XRCC5: variants seen among roughly 807,000 people sequenced by gnomAD.
XRCC5 encodes the protein DNA repair protein Ku80.
A neutral mutation model predicts 95.7 loss-of-function variants in XRCC5; 12 were observed. That is an observed-to-expected ratio of 0.13 (90% CI 0.08 to 0.20). The LOEUF (loss-of-function observed/expected upper bound fraction) is 0.20. Among genes scored for constraint, XRCC5 ranks in the 10% least tolerant of loss-of-function variants. XRCC5 has a pLI of 1.00. For synonymous variants in XRCC5, 281 were observed against 290.3 expected (o/e 0.97, Z 0.33); for missense variants, 595 against 873.9 (o/e 0.68, Z 4.02).
chr2:216,147,148 A>G (rs116325904), intron 13 of XRCC5, among the ~76,000 whole-genome samples: 4,904 of 152,192 alleles, frequency 0.032, 103 homozygotes, highest in Non-Finnish European at 0.047. Context: ...CGGAGATAGT[A>G]TTTCAGCAAA....
At chr2:216,137,516 C>T (rs561689090) in intron 11 of XRCC5, among the ~76,000 whole-genome samples, 2 of 152,180 alleles carry the variant, frequency 1.3e-5, no homozygotes, top group East Asian at 3.9e-4. Flanking sequence ...TTATGAAAAT[C>T]GTTTTAGATT....
At chr2:216,116,574 G>C (rs758220737) in intron 2 of XRCC5, 85 bp from the exon 3 acceptor site, 9 of 1,526,410 alleles carry the variant, frequency 5.9e-6, no homozygotes, top group Non-Finnish European at 2.7e-6. Context: ...GGGAGGTCTG[G>C]TTGTCCTGCT....
rs941466574 is a variant in XRCC5, at chr2:216,127,392, A to G, written c.799-144A>G. The G allele has an allele frequency of 5.9e-6, 5 of 851,174 alleles. No homozygotes were observed. The Admixed American group carries it at 1.0e-4, about 17-fold the overall frequency. The allele number at this position is 851,174 out of a possible 1,614,324, so 52.7% of individuals were successfully genotyped here. Reference sequence around the variant, plus strand: ...TGTTATGAAATAAACTAAAATTTTCATAATAGGCATGAGCAAACAAAATAA... The same window carrying G: ...TGTTATGAAATAAACTAAAATTTTCGTAATAGGCATGAGCAAACAAAATAA... On this transcript the variant is annotated intron_variant, in intron 7 of 20. Coordinates refer to ENST00000392132, the MANE Select transcript of XRCC5 (RefSeq NM_021141.4).
intron 2 of XRCC5, 98 bp downstream of exon 2, chr2:216,113,227 C>G: frequency 7.9e-6 from 8 of 1,006,660 alleles, no homozygotes; most frequent in Non-Finnish European, 1.2e-5. Flanking sequence ...TAGTGTCCAG[C>G]CCCTCTGTTT....
rs1251847687 is a variant in XRCC5, at chr2:216,199,926, G to T, written c.2110-4396G>T. Among the ~76,000 whole-genome samples the T allele has an allele frequency of 2.3e-5, 3 of 133,144 alleles. No homozygotes were observed. The Admixed American group carries it at 2.6e-4, about 11-fold the overall frequency. 87.3% of individuals were successfully genotyped at this position (133,144 alleles called of 152,430 possible). A position where few individuals can be genotyped will look rare whatever the true frequency, so the allele number is the denominator to read the frequency against. ...CATTATTTTAGCACTTATTTTTCTT[G>T]TAACTGCCTAATTTATCCTTCTTTA... On this transcript the variant is annotated intron_variant, in intron 19 of 20. Coordinates refer to ENST00000392132, the MANE Select transcript of XRCC5 (RefSeq NM_021141.4).
chr2:216,190,919 TAGAA>T (rs1352085452), intron 17 of XRCC5, among the ~76,000 whole-genome samples: 2 of 152,348 alleles, frequency 1.3e-5, no homozygotes, highest in East Asian at 1.9e-4. Context: ...AAGTTTAAAT[TAGAA>T]AGCATATTTT....
chr2:216,125,879 A>G (rs142969397), intron 6 of XRCC5, 38 bp from the exon 7 acceptor site: 1 of 1,527,306 alleles, frequency 6.5e-7, no homozygotes, highest in African/African-American at 1.4e-5. Context: ...TTAACATTTA[A>G]AAATTGTTGC....
intron 16 of XRCC5, among the ~76,000 whole-genome samples, chr2:216,187,833 T>A (rs867531797): frequency 0.041 from 4,665 of 113,984 alleles, 73 homozygotes; most frequent in South Asian, 0.096. Context: ...TCTCTCTCTC[T>A]CTCTCTCTCT....
intron 1 of XRCC5, among the ~76,000 whole-genome samples, chr2:216,110,814 G>C (rs1035593136): frequency 6.6e-6 from 1 of 151,992 alleles, no homozygotes; most frequent in Non-Finnish European, 1.5e-5. Context: ...AGTTTTTTTA[G>C]GTTATCATGC....
Position 216,180,136 on chromosome 2 carries a change from A to G in XRCC5, c.1835-10089A>G, listed in dbSNP as rs77857184. Reference sequence around the variant, plus strand: ...CAGGAAAAAGGTCTGAGTTGTATGTATAAATCGTGGAGAAGGAGCCATAGA... The same window carrying G: ...CAGGAAAAAGGTCTGAGTTGTATGTGTAAATCGTGGAGAAGGAGCCATAGA... On this transcript the variant is annotated intron_variant, in intron 16 of 20. Transcript: ENST00000392132. 9.2e-3 allele frequency among the ~76,000 whole-genome samples: 1,405 copies of G among 152,364 alleles called. 11 individuals carry two copies. The highest frequency in any genetic ancestry group is 0.016 in the Non-Finnish European group (1,066 of 68,032).
At chr2:216,124,229 C>G (rs1341497341) in intron 6 of XRCC5, among the ~76,000 whole-genome samples, 1 of 152,140 alleles carries the variant, frequency 6.6e-6, no homozygotes, top group East Asian at 1.9e-4. Context: ...TTGAGCTCTA[C>G]TGCAGAACTG....
chr2:216,167,570 TTGTGTGTGTGTGTGTGTG>T (rs58499938), intron 16 of XRCC5, among the ~76,000 whole-genome samples: 178 of 138,468 alleles, frequency 1.3e-3, no homozygotes, highest in South Asian at 4.6e-3. Flanking sequence ...GTGTGTGGGT[TTGTGTGTGTGTGTGTGTG>T]TGTGTGTGTG....
At chr2:216,125,492 G>A (rs1369481057) in intron 6 of XRCC5, among the ~76,000 whole-genome samples, 3 of 152,102 alleles carry the variant, frequency 2.0e-5, no homozygotes, top group East Asian at 1.9e-4. Flanking sequence ...TCACTATGCC[G>A]GCCCTGAGCA....
At chr2:216,181,226 C>T (rs1483551965) in intron 16 of XRCC5, among the ~76,000 whole-genome samples, 1 of 152,182 alleles carries the variant, frequency 6.6e-6, no homozygotes, top group African/African-American at 2.4e-5. Flanking sequence ...TTATCACTAT[C>T]CGAATTCAGG....
At chr2:216,173,819 T>A (rs1689217571) in intron 16 of XRCC5, among the ~76,000 whole-genome samples, 1 of 152,202 alleles carries the variant, frequency 6.6e-6, no homozygotes, top group Admixed American at 6.5e-5. Context: ...TGCCTTCTGA[T>A]GTGGGGTGGT....
chr2:216,168,768 A>G (rs1689098304), intron 16 of XRCC5, among the ~76,000 whole-genome samples: 1 of 152,250 alleles, frequency 6.6e-6, no homozygotes, highest in Admixed American at 6.5e-5. Context: ...ACAGCTTGCA[A>G]GGTGGAAATA....
At chr2:216,144,989 A>G (rs1688596793) in intron 13 of XRCC5, among the ~76,000 whole-genome samples, 1 of 152,244 alleles carries the variant, frequency 6.6e-6, no homozygotes, top group South Asian at 2.1e-4. Flanking sequence ...TGGAAGGCAC[A>G]GGAAGAGACG....
intron 12 of XRCC5, 137 bp downstream of exon 12, chr2:216,138,316 A>G (rs1300894485): frequency 2.7e-6 from 2 of 733,870 alleles, no homozygotes; most frequent in Admixed American, 2.6e-5. Context: ...ACTTAGACAC[A>G]GTAATGATGA....
chr2:216,134,664 G>T (rs1559242873), intron 10 of XRCC5, among the ~76,000 whole-genome samples: 1 of 122,438 alleles, frequency 8.2e-6, no homozygotes, highest in Non-Finnish European at 1.6e-5. Context: ...CCTGACCTCA[G>T]GTGATCCACC....
Sources: allele counts gnomAD v4.1 joint callset (sites outside exome capture counted in the v4.1 genomes callset), GRCh38; gene constraint gnomAD v4.1.1; transcripts MANE v1.5; gene names NCBI Gene and HGNC (gene_info 2026-07-23, HGNC 2026-07-21).